Variants in CASK observed in about 807,000 individuals in gnomAD.
CASK encodes peripheral plasma membrane protein CASK.
CASK carries 4 observed loss-of-function variants against 82.9 expected under a neutral mutation model. That is an observed-to-expected ratio of 0.05 (90% CI 0.02 to 0.11). CASK has a LOEUF of 0.11. Among genes scored for constraint, CASK ranks in the 10% least tolerant of loss-of-function variants. The pLI is 1.00. For missense variants in CASK, 358 were observed against 720.9 expected, an observed-to-expected ratio of 0.50 and a Z score of 5.76; for synonymous variants, 259 against 253.5, an observed-to-expected ratio of 1.02 and a Z score of -0.20.
chrX:41,892,555 G>A (rs1338181789), intron 1 of CASK, among the ~76,000 whole-genome samples: 1 of 110,596 alleles, frequency 9.0e-6, no homozygotes, highest in Non-Finnish European at 1.9e-5. Context: ...GGATGGTCTC[G>A]AACTCTTGAT....
At chrX:41,586,792 C>T in intron 14 of CASK, 115 bp downstream of exon 14, 1 of 515,350 alleles carries the variant, frequency 1.9e-6, no homozygotes, top group Non-Finnish European at 3.4e-6. Context: ...TTAATAGTCT[C>T]ATATGATATG....
chrX:41,893,806 T>C (rs992627067), intron 1 of CASK, among the ~76,000 whole-genome samples: 1 of 112,259 alleles, frequency 8.9e-6, no homozygotes, highest in African/African-American at 3.2e-5. Context: ...CAAAAAATCC[T>C]AGCACAAACT....
intron 5 of CASK, among the ~76,000 whole-genome samples, chrX:41,700,961 C>A: frequency 1.1e-5 from 1 of 88,312 alleles, no homozygotes; most frequent in Non-Finnish European, 2.2e-5. Flanking sequence ...AAAAAGGTTC[C>A]TGTTAGTCAA....
chrX:41,907,210 G>C (rs1292394380), intron 1 of CASK, among the ~76,000 whole-genome samples: 1 of 112,108 alleles, frequency 8.9e-6, no homozygotes, highest in Non-Finnish European at 1.9e-5. Context: ...CAGTAATATA[G>C]CTCAGTATCA....
chrX:41,729,009 T>C (rs1449861142), intron 5 of CASK: 1 of 123,548 alleles, frequency 8.1e-6, no homozygotes, highest in Non-Finnish European at 1.9e-5. Flanking sequence ...ATGCCCATCT[T>C]CATCACATTG....
intron 1 of CASK, among the ~76,000 whole-genome samples, chrX:41,877,037 C>T (rs974204330): frequency 4.5e-5 from 5 of 111,322 alleles, no homozygotes; most frequent in East Asian, 2.8e-4. Flanking sequence ...AGTCACTCTG[C>T]GCCAGTTTCC....
intron 2 of CASK, among the ~76,000 whole-genome samples, chrX:41,821,157 G>A (rs1023229885): frequency 1.1e-4 from 12 of 111,297 alleles, no homozygotes; most frequent in African/African-American, 3.9e-4. Flanking sequence ...TTACAAACTG[G>A]GAAAACATAT....
intron 10 of CASK, among the ~76,000 whole-genome samples, chrX:41,625,942 CTTTTTTTTTTTTTTT>C (rs748063155): frequency 2.5e-5 from 1 of 40,367 alleles, no homozygotes; most frequent in Non-Finnish European, 4.9e-5. Context: ...GCACGCCTGG[CTTTTTTTTTTTTTTT>C]TTTTTTTTTT....
At chrX:41,715,093 TCA>T (rs1238994606) in intron 5 of CASK, among the ~76,000 whole-genome samples, 1 of 112,364 alleles carries the variant, frequency 8.9e-6, no homozygotes, top group Admixed American at 9.4e-5. Context: ...CCACTCTTGA[TCA>T]AAGAAGGTAA....
intron 1 of CASK, among the ~76,000 whole-genome samples, chrX:41,864,904 G>A (rs1403068160): frequency 8.9e-6 from 1 of 112,029 alleles, no homozygotes; most frequent in Admixed American, 9.4e-5. Flanking sequence ...GCTCAGTGCA[G>A]GGCAGCAGAA....
At chrX:41,907,862 T>C (rs762892255) in intron 1 of CASK, among the ~76,000 whole-genome samples, 7 of 111,599 alleles carry the variant, frequency 6.3e-5, no homozygotes, top group Non-Finnish European at 1.1e-4. Flanking sequence ...CTGTTCCATC[T>C]CAGATCATCA....
At chrX:41,909,774 T>G (rs2072530472) in intron 1 of CASK, among the ~76,000 whole-genome samples, 1 of 111,616 alleles carries the variant, frequency 9.0e-6, no homozygotes, top group Non-Finnish European at 1.9e-5. Flanking sequence ...CCGGCTAATT[T>G]TATGACATTT....
rs1197817286 is a variant in CASK, at chrX:41,779,456, T to C, written c.278+7722A>G. On this transcript the variant is annotated intron_variant, in intron 3 of 26. Transcript: ENST00000378163. ...AATCATAGCTGTGAATATGACTATA[T>C]GCTGAGTCCTTTGAGTTTTCTTAGT... 5.4e-5 allele frequency among the ~76,000 whole-genome samples: 6 copies of C among 111,988 alleles called. No individual in the cohort carries two copies. In the East Asian group the frequency reaches 1.7e-3, roughly 31 times the overall value.
chrX:41,888,787 GTGTATATATATGTATATATACATGTATA>G (rs1013437042), intron 1 of CASK, among the ~76,000 whole-genome samples: 10 of 102,752 alleles, frequency 9.7e-5, no homozygotes, highest in Non-Finnish European at 1.6e-4. Context: ...ATACATGTAT[GTGTATATATATGTATATATACATGTATA>G]TGTATATATG....
chrX:41,811,954 T>C lies in CASK; in HGVS notation c.173-24671A>G, dbSNP rs1216450711. Among the ~76,000 whole-genome samples the C allele has an allele frequency of 6.3e-5, 7 of 111,626 alleles. No homozygotes were observed. The East Asian group carries it at 2.0e-3, about 31-fold the overall frequency. On this transcript the variant is annotated intron_variant, in intron 2 of 26. Coordinates refer to ENST00000378163, the MANE Select transcript of CASK (RefSeq NM_001367721.1). Reference sequence around the variant, plus strand: ...TACAAACTACCATCAGAGAATACTATAAACACCTCTATGCAAATAAACTAG... The same window carrying C: ...TACAAACTACCATCAGAGAATACTACAAACACCTCTATGCAAATAAACTAG...
Position 41,561,621 on chromosome X carries a change from T to A in CASK, c.1606A>T (p.Ile536Phe). Residue 536 changes from isoleucine (I) to phenylalanine (F), a missense_variant, in exon 17 of 27, where the codon ATT becomes TTT. Coordinates refer to ENST00000378163, the MANE Select transcript of CASK (RefSeq NM_001367721.1). ...ACACTGATGCCATTGATTTCTCGAA[T>A]TTCATCACCAACATGAAGTGTACCT... ...RQGTLHVGDE[I>F]REINGISVAN... 1 of 1,194,106 alleles carries A rather than the reference T, an allele frequency of 8.4e-7. No individual in the cohort carries two copies. The highest frequency in any genetic ancestry group is 1.1e-6 in the Non-Finnish European group (1 of 879,390).
chrX:41,699,633 A>G (rs1407406264), intron 5 of CASK, among the ~76,000 whole-genome samples: 1 of 111,089 alleles, frequency 9.0e-6, no homozygotes, highest in Admixed American at 9.7e-5. Flanking sequence ...AAGCTGTCTC[A>G]TTATACTAGA....
intron 5 of CASK, among the ~76,000 whole-genome samples, chrX:41,672,581 TA>T (rs2067211094): frequency 1.8e-5 from 2 of 111,449 alleles, no homozygotes; most frequent in African/African-American, 6.5e-5. Flanking sequence ...ATAATAGGTA[TA>T]AAAAAAGGGT....
At chrX:41,536,267 C>T (rs1037815869) in intron 22 of CASK, among the ~76,000 whole-genome samples, 4 of 110,695 alleles carry the variant, frequency 3.6e-5, no homozygotes, top group Non-Finnish European at 5.7e-5. Context: ...TGCCATTACG[C>T]CCAGACAATT....
Sources: allele counts gnomAD v4.1 joint callset (sites outside exome capture counted in the v4.1 genomes callset), GRCh38; gene constraint gnomAD v4.1.1; transcripts MANE v1.5; gene names NCBI Gene and HGNC (gene_info 2026-07-23, HGNC 2026-07-21).